The following PXDNL variants were observed in gnomAD, a reference collection of about 807,000 sequenced individuals.
The protein encoded by PXDNL is probable oxidoreductase PXDNL.
A neutral mutation model predicts 150.8 loss-of-function variants in PXDNL; 145 were observed. That is an observed-to-expected ratio of 0.96 (90% CI 0.84 to 1.10). The LOEUF (loss-of-function observed/expected upper bound fraction) is 1.10. PXDNL is among the 50% of genes least tolerant of loss of function. PXDNL has a pLI of 0.00. For missense variants in PXDNL, 2,087 were observed against 1,873.9 expected (o/e 1.11, Z -2.10); for synonymous variants, 757 against 725.7 (o/e 1.04, Z -0.69).
intron 9 of PXDNL, among the ~76,000 whole-genome samples, chr8:51,454,018 G>T (rs1448082771): frequency 4.6e-5 from 7 of 152,012 alleles, no homozygotes; most frequent in African/African-American, 1.7e-4. Context: ...TTGATATCAC[G>T]ATGTGTTATA....
At chr8:51,321,922 A>G (rs765414213) in intron 21 of PXDNL, among the ~76,000 whole-genome samples, 2 of 151,096 alleles carry the variant, frequency 1.3e-5, no homozygotes, top group African/African-American at 2.5e-5. Context: ...GTAATCCCCA[A>G]TGTGACTATA....
intron 2 of PXDNL, among the ~76,000 whole-genome samples, chr8:51,623,947 G>C (rs533068428): frequency 2.0e-5 from 3 of 151,852 alleles, no homozygotes; most frequent in African/African-American, 7.3e-5. Flanking sequence ...TAAAAAAGTA[G>C]CCTGCTGTGG....
At chr8:51,683,061 A>G (rs1173360719) in intron 1 of PXDNL, among the ~76,000 whole-genome samples, 2 of 149,680 alleles carry the variant, frequency 1.3e-5, no homozygotes, top group South Asian at 4.3e-4. Flanking sequence ...TTTCTGAGGA[A>G]TCTCCATACT....
chr8:51,530,147 A>G (rs1222326757), intron 4 of PXDNL, among the ~76,000 whole-genome samples: 1 of 152,160 alleles, frequency 6.6e-6, no homozygotes, highest in Non-Finnish European at 1.5e-5. Context: ...TCTGGAGTTC[A>G]TGGCAGAGGT....
At chr8:51,440,514 T>G (rs1256672080) in intron 12 of PXDNL, among the ~76,000 whole-genome samples, 2 of 152,160 alleles carry the variant, frequency 1.3e-5, no homozygotes, top group Admixed American at 6.5e-5. Context: ...TGAAACATCA[T>G]GAATGAGTCC....
chr8:51,608,563 C>T (rs1280269346), intron 2 of PXDNL, among the ~76,000 whole-genome samples: 3 of 148,230 alleles, frequency 2.0e-5, no homozygotes, highest in South Asian at 2.1e-4. Context: ...GCAGGCCGGG[C>T]GCGGTGGCTC....
chr8:51,521,457 G>A (rs1585546072), intron 4 of PXDNL, among the ~76,000 whole-genome samples: 1 of 152,052 alleles, frequency 6.6e-6, no homozygotes. Context: ...GACTCAAAGA[G>A]AACTGAATTA....
At chr8:51,697,622 C>G (rs562144877) in intron 1 of PXDNL, among the ~76,000 whole-genome samples, 1 of 152,126 alleles carries the variant, frequency 6.6e-6, no homozygotes. Context: ...AAGCAAAGAG[C>G]CAGAAAATTA....
At chr8:51,487,092 C>T (rs997596210) in intron 5 of PXDNL, among the ~76,000 whole-genome samples, 4 of 151,660 alleles carry the variant, frequency 2.6e-5, no homozygotes, top group East Asian at 2.0e-4. Flanking sequence ...CGCACCCGGC[C>T]GAAAAGTTTA....
intron 17 of PXDNL, among the ~76,000 whole-genome samples, chr8:51,383,044 CTA>C (rs1807596717): frequency 6.6e-6 from 1 of 152,160 alleles, no homozygotes; most frequent in Admixed American, 6.5e-5. Flanking sequence ...CGTGCATATC[CTA>C]TATAAGTAAC....
At chr8:51,747,137 T>A (rs954474583) in intron 1 of PXDNL, among the ~76,000 whole-genome samples, 1 of 152,236 alleles carries the variant, frequency 6.6e-6, no homozygotes, top group African/African-American at 2.4e-5. Flanking sequence ...GATGGAGTTT[T>A]GTTTGTCGAT....
intron 2 of PXDNL, among the ~76,000 whole-genome samples, chr8:51,633,746 T>C (rs575396763): frequency 7.9e-5 from 12 of 152,298 alleles, no homozygotes; most frequent in African/African-American, 2.9e-4. Flanking sequence ...ACGTGGAGCA[T>C]TTTTTCATAT....
chr8:51,730,971 A>G (rs916396550), intron 1 of PXDNL, among the ~76,000 whole-genome samples: 1 of 152,180 alleles, frequency 6.6e-6, no homozygotes, highest in South Asian at 2.1e-4. Context: ...GAGAGCTACA[A>G]TTCAAGATGA....
intron 17 of PXDNL, among the ~76,000 whole-genome samples, chr8:51,392,714 A>G (rs1054734328): frequency 6.6e-6 from 1 of 152,124 alleles, no homozygotes; most frequent in Non-Finnish European, 1.5e-5. Flanking sequence ...CTCTTTTCCT[A>G]ATTGAATACC....
intron 21 of PXDNL, among the ~76,000 whole-genome samples, chr8:51,326,058 G>C (rs1246124585): frequency 1.3e-5 from 2 of 152,152 alleles, no homozygotes; most frequent in African/African-American, 2.4e-5. Flanking sequence ...CCTGAGCTAC[G>C]TGAGGAAAAA....
intron 20 of PXDNL, among the ~76,000 whole-genome samples, chr8:51,343,867 C>T (rs1433978206): frequency 6.6e-6 from 1 of 152,138 alleles, no homozygotes; most frequent in Non-Finnish European, 1.5e-5. Flanking sequence ...GTGAATGTTT[C>T]CAACACTCAA....
chr8:51,791,659 C>T (rs1423424159), intron 1 of PXDNL, among the ~76,000 whole-genome samples: 1 of 152,168 alleles, frequency 6.6e-6, no homozygotes, highest in Non-Finnish European at 1.5e-5. Flanking sequence ...GTGCATGCAA[C>T]CCTAAAAGTC....
chr8:51,400,544 C>A (rs1808216637), intron 17 of PXDNL, among the ~76,000 whole-genome samples: 1 of 152,094 alleles, frequency 6.6e-6, no homozygotes. Context: ...TCTGTTTTTG[C>A]TAGACAAATA....
chr8:51,434,425 C>T (rs905551331), intron 12 of PXDNL, among the ~76,000 whole-genome samples: 1 of 152,204 alleles, frequency 6.6e-6, no homozygotes, highest in Non-Finnish European at 1.5e-5. Context: ...TCACACTTAA[C>T]ACTCTCTGGA....
Sources: gnomAD v4.1 joint callset for allele counts (sites outside exome capture counted in the v4.1 genomes callset) on GRCh38, gnomAD v4.1.1 for gene constraint, MANE v1.5 for transcripts, NCBI Gene and HGNC (gene_info 2026-07-23, HGNC 2026-07-21) for gene names.